The following CRACDL variants were observed in gnomAD, a reference collection of about 807,000 sequenced individuals.
The protein encoded by CRACDL is CRACD like.
CRACDL carries 26 observed loss-of-function variants against 70.6 expected under a neutral mutation model. The ratio of observed to expected loss-of-function variants is 0.37; its 90% CI spans 0.27 to 0.51. CRACDL has a LOEUF of 0.51. Ranked by LOEUF, CRACDL falls within the 20% of genes least tolerant of loss-of-function variation. The pLI is 0.94. For missense variants in CRACDL, 1,283 were observed against 1,376.9 expected (o/e 0.93, Z 1.08); for synonymous variants, 618 against 615.2 (o/e 1.00, Z -0.07).
intron 1 of CRACDL, among the ~76,000 whole-genome samples, chr2:98,879,103 T>C (rs1056020846): frequency 6.6e-6 from 1 of 152,158 alleles, no homozygotes; most frequent in Non-Finnish European, 1.5e-5. Context: ...ACACCTGGTT[T>C]CACACATCTC....
chr2:98,833,626 CAG>C (rs934882622), intron 3 of CRACDL, among the ~76,000 whole-genome samples: 1 of 152,242 alleles, frequency 6.6e-6, no homozygotes, highest in Non-Finnish European at 1.5e-5. Flanking sequence ...ATCGCCATCC[CAG>C]TCCTTTCCTC....
At chr2:98,846,612 T>G in intron 2 of CRACDL, 119 bp downstream of exon 2, 1 of 772,154 alleles carries the variant, frequency 1.3e-6, no homozygotes, top group Non-Finnish European at 2.2e-6. Context: ...CTGAGCACAC[T>G]GGGAACTAAA....
At position 98,822,535 on chromosome 2, in the gene CRACDL, G is replaced by T. The variant is rs1291962340; in HGVS notation, c.1738C>A (p.Arg580=). 6 of 1,462,142 alleles carry T rather than the reference G, an allele frequency of 4.1e-6. No individual in the cohort carries two copies. Among genetic ancestry groups the T allele is most frequent in the Non-Finnish European group, 4.5e-6 (5 of 1,115,260 alleles). 90.6% of individuals were successfully genotyped at this position (1,462,142 alleles called of 1,614,324 possible). The stretch of plus-strand genomic sequence containing the variant: ...GAGACGCCCGGACGAGGCCGCGCTC[G>T]GCACGAGGACACCGAGAACTTCTTC... ...GAKKFSVSSC[R]ARPRPGVSRP... Residue 580 remains arginine, a synonymous_variant, in exon 7 of 10, where the codon CGA becomes AGA. Coordinates refer to ENST00000397899, the MANE Select transcript of CRACDL (RefSeq NM_207362.3). The surrounding 1 kb of genome is among the most constrained non-coding windows in gnomAD (Gnocchi z 4.9).
At chr2:98,870,464 T>G (rs1043239425) in intron 1 of CRACDL, among the ~76,000 whole-genome samples, 23 of 131,184 alleles carry the variant, frequency 1.8e-4, no homozygotes, top group African/African-American at 6.9e-4. Flanking sequence ...GAAGGTAGTT[T>G]ATATACATTT....
At chr2:98,930,219 A>G (rs962330302) in intron 1 of CRACDL, among the ~76,000 whole-genome samples, 10 of 152,190 alleles carry the variant, frequency 6.6e-5, no homozygotes, top group Admixed American at 2.6e-4. Context: ...CTCCTCACAC[A>G]TTAGTGGGGA....
At chr2:98,918,464 G>A (rs937297791) in intron 1 of CRACDL, among the ~76,000 whole-genome samples, 3 of 148,016 alleles carry the variant, frequency 2.0e-5, no homozygotes, top group Non-Finnish European at 4.4e-5. Flanking sequence ...TTTGAACCTG[G>A]GAGGTGGATG....
At chr2:98,892,907 C>T (rs1166161351) in intron 1 of CRACDL, among the ~76,000 whole-genome samples, 1 of 152,150 alleles carries the variant, frequency 6.6e-6, no homozygotes, top group Non-Finnish European at 1.5e-5. Context: ...CACTCTGTGG[C>T]CCTGCTCTGC....
intron 1 of CRACDL, among the ~76,000 whole-genome samples, chr2:98,867,046 G>A (rs576586917): frequency 6.6e-6 from 1 of 152,234 alleles, no homozygotes; most frequent in African/African-American, 2.4e-5. Flanking sequence ...TACTTCCCCA[G>A]GCTTCCCCTC....
At chr2:98,879,413 C>T (rs1045994888) in intron 1 of CRACDL, among the ~76,000 whole-genome samples, 15 of 152,056 alleles carry the variant, frequency 9.9e-5, no homozygotes, top group Admixed American at 6.6e-4. Context: ...TGGCCTGGTT[C>T]GACATCAATA....
At chr2:98,813,803 A>C (rs909768924) in intron 7 of CRACDL, among the ~76,000 whole-genome samples, 3 of 152,146 alleles carry the variant, frequency 2.0e-5, no homozygotes, top group Non-Finnish European at 4.4e-5. Flanking sequence ...TTTCTTCTTT[A>C]AATGCTTGGT....
intron 7 of CRACDL, among the ~76,000 whole-genome samples, chr2:98,803,977 G>T (rs537637639): frequency 1.3e-5 from 2 of 152,110 alleles, no homozygotes; most frequent in East Asian, 3.9e-4. Context: ...GGTTTGTCAG[G>T]CTTCCTAGAT....
At chr2:98,913,211 C>T (rs2104679328) in intron 1 of CRACDL, among the ~76,000 whole-genome samples, 1 of 152,298 alleles carries the variant, frequency 6.6e-6, no homozygotes, top group South Asian at 2.1e-4. Flanking sequence ...AGGTGCCATC[C>T]CCACCCTTGA....
chr2:98,814,563 G>A (rs1704705673), intron 7 of CRACDL, among the ~76,000 whole-genome samples: 1 of 152,100 alleles, frequency 6.6e-6, no homozygotes, highest in Non-Finnish European at 1.5e-5. Flanking sequence ...TTTAATAAGG[G>A]CTGTTTAGTG....
Position 98,879,026 on chromosome 2 carries a change from C to T in CRACDL, c.-10-32216G>A, listed in dbSNP as rs1707564943. ...CCTCACCTCCAGCCATTACCACCAC[C>T]CTGGCCCTGAGAAATCTTCCCGCTG... On this transcript the variant is annotated intron_variant, in intron 1 of 9. Coordinates refer to ENST00000397899, the MANE Select transcript of CRACDL (RefSeq NM_207362.3). Among the ~76,000 whole-genome samples the T allele has an allele frequency of 2.0e-5, 3 of 152,310 alleles. No individual in the cohort carries two copies. The South Asian group carries it at 6.2e-4, about 32-fold the overall frequency.
chr2:98,870,987 G>A (rs984038690), intron 1 of CRACDL, among the ~76,000 whole-genome samples: 7 of 152,242 alleles, frequency 4.6e-5, no homozygotes, highest in Non-Finnish European at 8.8e-5. Flanking sequence ...CGAGATTCGC[G>A]AAGAGCAGGG....
intron 2 of CRACDL, among the ~76,000 whole-genome samples, chr2:98,843,911 G>T (rs12620812): frequency 0.037 from 5,668 of 152,078 alleles, 186 homozygotes; most frequent in South Asian, 0.16. Flanking sequence ...CTGGGATTTT[G>T]ATTGCTTCAT....
intron 2 of CRACDL, among the ~76,000 whole-genome samples, chr2:98,841,070 C>T (rs924818373): frequency 5.9e-5 from 9 of 152,136 alleles, no homozygotes; most frequent in African/African-American, 2.2e-4. Context: ...CTGATCCCAG[C>T]ATTTTGGATA....
chr2:98,808,265 G>C (rs573520615), intron 7 of CRACDL, among the ~76,000 whole-genome samples: 3 of 152,158 alleles, frequency 2.0e-5, no homozygotes, highest in Non-Finnish European at 4.4e-5. Context: ...CGCTGTCCTA[G>C]AGCCCAGTAT....
At position 98,827,173 on chromosome 2, in the gene CRACDL, C is replaced by G; in HGVS notation, c.541-4G>C. On this transcript the variant is annotated splice_polypyrimidine_tract_variant and splice_region_variant and intron_variant, in intron 5 of 9. Transcript: ENST00000397899. ...GGTCTGGAGACACGACAGAGACCTT[C>G]GTGGGACAAGGAACAAACACACGGA... 1 of 1,610,362 alleles carries G rather than the reference C, an allele frequency of 6.2e-7. No individual in the cohort carries two copies. The highest frequency in any genetic ancestry group is 8.5e-7 in the Non-Finnish European group (1 of 1,177,030).
Sources: allele counts gnomAD v4.1 joint callset (sites outside exome capture counted in the v4.1 genomes callset), GRCh38; gene constraint gnomAD v4.1.1; non-coding constraint Gnocchi (gnomAD v3.1); transcripts MANE v1.5; gene names NCBI Gene and HGNC (gene_info 2026-07-23, HGNC 2026-07-21).